Variants in SSBP3 observed in about 807,000 individuals in gnomAD.
SSBP3 encodes the protein single-stranded DNA-binding protein 3.
Under a neutral mutation model 69.6 loss-of-function variants are expected in SSBP3, and 5 were observed. The ratio of observed to expected loss-of-function variants is 0.07; its 90% confidence interval spans 0.04 to 0.15. SSBP3 has a LOEUF of 0.15. Ranked by LOEUF, SSBP3 falls within the 10% of genes least tolerant of loss-of-function variation. SSBP3 has a pLI of 1.00. For missense variants in SSBP3, 312 were observed against 534.0 expected (o/e 0.58, Z 4.10); for synonymous variants, 196 against 193.4 (o/e 1.01, Z -0.11).
At chr1:54,226,158 AT>A (rs1209367413) in exon 18 of SSBP3, 1 of 152,458 alleles carries the variant, frequency 6.6e-6, no homozygotes, top group Non-Finnish European at 1.5e-5. Context: ...AGCTGGCAGG[AT>A]TCTCACTGGG....
At chr1:54,365,441 T>C (rs963402112) in intron 4 of SSBP3, among the ~76,000 whole-genome samples, 38 of 152,228 alleles carry the variant, frequency 2.5e-4, no homozygotes, top group African/African-American at 8.7e-4. Context: ...AACCAAAACA[T>C]TGACAGTAAT....
chr1:54,326,897 T>G (rs1017946706), intron 4 of SSBP3, among the ~76,000 whole-genome samples: 3 of 152,046 alleles, frequency 2.0e-5, no homozygotes, highest in Non-Finnish European at 2.9e-5. Context: ...AGGAACAATT[T>G]ACAAGAGCCC....
At chr1:54,262,987 A>G (rs769906277) in intron 5 of SSBP3, among the ~76,000 whole-genome samples, 2 of 152,190 alleles carry the variant, frequency 1.3e-5, no homozygotes, top group Non-Finnish European at 2.9e-5. Flanking sequence ...AGTGGAGACA[A>G]CTAACTCCCG....
At chr1:54,406,081 G>C (rs1281128959) in exon 1 of SSBP3, 10 of 1,202,272 alleles carry the variant, frequency 8.3e-6, no homozygotes, top group Admixed American at 7.7e-5. Flanking sequence ...GCTCTCCCGA[G>C]CTGCCCCTCG....
At chr1:54,249,149 A>T (rs1286345973) in intron 9 of SSBP3, among the ~76,000 whole-genome samples, 1 of 152,198 alleles carries the variant, frequency 6.6e-6, no homozygotes, top group African/African-American at 2.4e-5. Flanking sequence ...CACCCAGAGG[A>T]AGTCCTGAAC....
At chr1:54,251,963 A>G in intron 7 of SSBP3, 103 bp from the exon 8 acceptor site, 2 of 984,256 alleles carry the variant, frequency 2.0e-6, no homozygotes, top group Non-Finnish European at 3.1e-6. Flanking sequence ...GATCACGTGG[A>G]GCCACTCATG....
intron 6 of SSBP3, among the ~76,000 whole-genome samples, chr1:54,257,819 C>T (rs557145504): frequency 2.6e-4 from 39 of 152,272 alleles, no homozygotes; most frequent in South Asian, 2.1e-3. Context: ...AAAACAAAAA[C>T]GCAAAGGCAG....
exon 18 of SSBP3, chr1:54,226,978 G>C: frequency 1.3e-6 from 1 of 748,804 alleles, no homozygotes; most frequent in East Asian, 2.5e-5. Flanking sequence ...ATTGGGAAAG[G>C]TAGGGGGCGT....
chr1:54,266,125 C>T (rs566769582), intron 5 of SSBP3, among the ~76,000 whole-genome samples: 13 of 152,368 alleles, frequency 8.5e-5, no homozygotes, highest in African/African-American at 2.9e-4. Flanking sequence ...CTTTCTCCAG[C>T]GCCTGGACTG....
chr1:54,335,880 G>A (rs1205372008), intron 4 of SSBP3: 2 of 152,432 alleles, frequency 1.3e-5, no homozygotes, highest in Non-Finnish European at 1.5e-5. Context: ...GGCAGGAAAA[G>A]GAAGTAGCTG....
chr1:54,406,662 T>C (rs903043110), upstream of SSBP3, among the ~76,000 whole-genome samples: 1 of 151,392 alleles, frequency 6.6e-6, no homozygotes, highest in African/African-American at 2.4e-5. Context: ...TGGATCGGGC[T>C]GGGGGCACCC....
intron 4 of SSBP3, among the ~76,000 whole-genome samples, chr1:54,308,058 T>G (rs1051241598): frequency 1.3e-5 from 2 of 152,236 alleles, no homozygotes; most frequent in African/African-American, 4.8e-5. Context: ...ACCCCTTTCC[T>G]GTAACATCCC....
chr1:54,361,332 T>G (rs2100634172), intron 4 of SSBP3, among the ~76,000 whole-genome samples: 1 of 152,310 alleles, frequency 6.6e-6, no homozygotes, highest in East Asian at 1.9e-4. Context: ...GAGGTAAATT[T>G]TCATAAAACC....
At chr1:54,280,514 G>A (rs1236056981) in intron 5 of SSBP3, among the ~76,000 whole-genome samples, 8 of 152,198 alleles carry the variant, frequency 5.3e-5, no homozygotes, top group East Asian at 1.9e-4. Flanking sequence ...TTATCTGGGA[G>A]TGCCAATCTT....
intron 4 of SSBP3, among the ~76,000 whole-genome samples, chr1:54,328,429 G>A (rs1416006356): frequency 6.6e-6 from 1 of 152,102 alleles, no homozygotes; most frequent in Non-Finnish European, 1.5e-5. Context: ...GTGTGACCTT[G>A]GCCAAGTCAC....
chr1:54,231,180 A>T (rs1644373810), intron 14 of SSBP3, among the ~76,000 whole-genome samples: 1 of 152,138 alleles, frequency 6.6e-6, no homozygotes, highest in Non-Finnish European at 1.5e-5. Flanking sequence ...GAGAGTTCCA[A>T]TGCTTCCACA....
chr1:54,286,698 C>T (rs1045513420), intron 4 of SSBP3: 1 of 152,284 alleles, frequency 6.6e-6, no homozygotes, highest in Admixed American at 6.5e-5. Context: ...TGGATATTCC[C>T]CCTCTAACCT....
intron 4 of SSBP3, among the ~76,000 whole-genome samples, chr1:54,318,921 T>C (rs566865677): frequency 2.6e-5 from 4 of 152,222 alleles, no homozygotes; most frequent in Non-Finnish European, 4.4e-5. Flanking sequence ...TTCCCTGCTA[T>C]GATTTCATCT....
At chr1:54,254,833 T>C (rs988603087) in intron 7 of SSBP3, among the ~76,000 whole-genome samples, 2 of 152,080 alleles carry the variant, frequency 1.3e-5, no homozygotes, top group Non-Finnish European at 2.9e-5. Flanking sequence ...TTTTTTATCT[T>C]TTTTCTTCTT....
Sources: gnomAD v4.1 joint callset for allele counts (sites outside exome capture counted in the v4.1 genomes callset) on GRCh38, gnomAD v4.1.1 for gene constraint, MANE v1.5 for transcripts, NCBI Gene and HGNC (gene_info 2026-07-23, HGNC 2026-07-21) for gene names.